Variants in MCTP1 observed in about 807,000 individuals in gnomAD.
The protein encoded by MCTP1 is multiple C2 and transmembrane domain containing 1.
Under a neutral mutation model 120.6 loss-of-function variants are expected in MCTP1, and 69 were observed. The observed-to-expected ratio is 0.57, with a 90% CI of 0.47 to 0.70. The LOEUF (loss-of-function observed/expected upper bound fraction) is 0.70. Among genes scored for constraint, MCTP1 ranks in the 30% least tolerant of loss-of-function variants. The pLI is 0.00. For synonymous variants in MCTP1, 529 were observed against 493.1 expected (o/e 1.07, Z -0.96); for missense variants, 1,203 against 1,248.8 (o/e 0.96, Z 0.55).
At chr5:94,800,023 A>G (rs1486235274) in intron 17 of MCTP1, among the ~76,000 whole-genome samples, 7 of 152,138 alleles carry the variant, frequency 4.6e-5, no homozygotes, top group Non-Finnish European at 8.8e-5. Flanking sequence ...TAACAACTAG[A>G]TTCCACTCCT....
chr5:95,251,808 A>C (rs1757409949), intron 1 of MCTP1, among the ~76,000 whole-genome samples: 1 of 152,128 alleles, frequency 6.6e-6, no homozygotes, highest in South Asian at 2.1e-4. Context: ...AAACAACAGT[A>C]ATAATAGATA....
At chr5:95,087,956 C>G (rs185863168) in intron 1 of MCTP1, among the ~76,000 whole-genome samples, 2 of 152,142 alleles carry the variant, frequency 1.3e-5, no homozygotes, top group Admixed American at 6.5e-5. Context: ...AACTGACAGC[C>G]GGGTTAGCGA....
At chr5:95,007,178 G>A (rs947597502) in intron 2 of MCTP1, among the ~76,000 whole-genome samples, 54 of 152,148 alleles carry the variant, frequency 3.5e-4, no homozygotes, top group African/African-American at 1.3e-3. Context: ...TCACTATCAT[G>A]AGAACAGCAT....
intron 1 of MCTP1, among the ~76,000 whole-genome samples, chr5:95,074,841 A>G (rs1753162519): frequency 6.6e-6 from 1 of 152,252 alleles, no homozygotes; most frequent in African/African-American, 2.4e-5. Context: ...TAACATTTTA[A>G]TAAGCAGGAA....
At chr5:94,894,882 T>TG (rs1803560501) in intron 10 of MCTP1, 47 bp from the exon 11 acceptor site, 2 of 1,234,320 alleles carry the variant, frequency 1.6e-6, no homozygotes, top group South Asian at 3.1e-5. Context: ...TTTTTTTTTT[T>TG]GCCATATCAA....
intron 17 of MCTP1, among the ~76,000 whole-genome samples, chr5:94,810,467 G>T (rs1414949058): frequency 6.6e-6 from 1 of 152,092 alleles, no homozygotes; most frequent in Non-Finnish European, 1.5e-5. Flanking sequence ...AGTTGCTCAT[G>T]GGGGGAAACT....
chr5:95,056,783 T>C (rs1458970057), intron 1 of MCTP1, among the ~76,000 whole-genome samples: 1 of 152,178 alleles, frequency 6.6e-6, no homozygotes, highest in Non-Finnish European at 1.5e-5. Flanking sequence ...GTCAGTTCTC[T>C]GGGGGAAGTA....
At chr5:95,175,806 G>A (rs150710517) in intron 1 of MCTP1, among the ~76,000 whole-genome samples, 2 of 152,238 alleles carry the variant, frequency 1.3e-5, no homozygotes, top group East Asian at 3.9e-4. Flanking sequence ...GATGTTGCTG[G>A]CCTCCAGCAC....
intron 18 of MCTP1, among the ~76,000 whole-genome samples, chr5:94,784,090 G>T (rs2152956453): frequency 6.6e-6 from 1 of 152,116 alleles, no homozygotes; most frequent in Non-Finnish European, 1.5e-5. Context: ...AAATATTAAA[G>T]AAAACTGACA....
At position 95,041,512 on chromosome 5, in the gene MCTP1, A is replaced by G. The variant is rs552811707; in HGVS notation, c.721-24028T>C. Among the ~76,000 whole-genome samples, 177 of 152,246 alleles carry G rather than the reference A, an allele frequency of 1.2e-3. 1 individual carries two copies. The highest frequency in any genetic ancestry group is 1.9e-3 in the Non-Finnish European group (128 of 67,990). On this transcript the variant is annotated intron_variant, in intron 1 of 22. Transcript: ENST00000515393. ...AAAGTTTTTAAACACACATCGATCT[A>G]GAACCTTTCTCATGAGAAAGATACA...
intron 10 of MCTP1, among the ~76,000 whole-genome samples, chr5:94,904,904 C>T (rs1459273965): frequency 6.6e-6 from 1 of 152,152 alleles, no homozygotes; most frequent in Non-Finnish European, 1.5e-5. Context: ...AAAATCCCTG[C>T]CCTCGTGGAG....
chr5:94,785,972 G>C (rs1334117963), intron 18 of MCTP1, among the ~76,000 whole-genome samples: 1 of 152,008 alleles, frequency 6.6e-6, no homozygotes, highest in Non-Finnish European at 1.5e-5. Flanking sequence ...GGAAATATTG[G>C]AATATATTTC....
At chr5:95,242,701 T>C (rs1254949470) in intron 1 of MCTP1, among the ~76,000 whole-genome samples, 1 of 152,142 alleles carries the variant, frequency 6.6e-6, no homozygotes, top group East Asian at 1.9e-4. Context: ...GAAAATTAAA[T>C]CTAGGTGACA....
In MCTP1 at chr5:95,176,998, G is replaced by A. The variant is rs528693822; in HGVS notation, c.720+106858C>T. Among the ~76,000 whole-genome samples the A allele has an allele frequency of 2.5e-3, 385 of 151,726 alleles. 2 individuals are homozygous for A. The highest frequency in any genetic ancestry group is 6.8e-3 in the Middle Eastern group (2 of 294). ...TCCTGCCTCAGCCTCCCGAGTAGCT[G>A]GGACTACAGGCGCCCGCCACCATGC... On this transcript the variant is annotated intron_variant, in intron 1 of 22. Transcript: ENST00000515393.
At chr5:95,035,061 C>A (rs1199589044) in intron 1 of MCTP1, among the ~76,000 whole-genome samples, 1 of 151,770 alleles carries the variant, frequency 6.6e-6, no homozygotes, top group African/African-American at 2.4e-5. Flanking sequence ...ATTAAAAGGT[C>A]AAAAAATAAC....
intron 18 of MCTP1, among the ~76,000 whole-genome samples, chr5:94,784,213 C>T (rs546278198): frequency 4.6e-5 from 7 of 152,102 alleles, no homozygotes; most frequent in South Asian, 2.1e-4. Context: ...CCTAGAGATA[C>T]GGAAGAATTT....
rs138035428 is a variant in MCTP1 at position 95,278,290 on chromosome 5, C to T, written c.720+5566G>A. ...ATGATGTAGAAAAAGGCTGTATCTTCAATGGTGCCGACAAATCAAAATTTA... is the reference window on the plus strand; with the variant it reads ...ATGATGTAGAAAAAGGCTGTATCTTTAATGGTGCCGACAAATCAAAATTTA... On this transcript the variant is annotated intron_variant, in intron 1 of 22. Coordinates refer to ENST00000515393, the MANE Select transcript of MCTP1 (RefSeq NM_024717.7). Among the ~76,000 whole-genome samples the T allele has an allele frequency of 5.1e-4, 77 of 152,236 alleles. 1 individual carries two copies. In the Middle Eastern group the frequency reaches 0.01, roughly 20 times the overall value.
At chr5:95,278,129 A>G (rs1760001756) in intron 1 of MCTP1, among the ~76,000 whole-genome samples, 1 of 151,986 alleles carries the variant, frequency 6.6e-6, no homozygotes, top group Non-Finnish European at 1.5e-5. Context: ...ACTGCTACAT[A>G]TTAGAGGGGA....
Position 94,829,225 on chromosome 5 carries a change from T to A in MCTP1, c.2437-30093A>T, listed in dbSNP as rs974238771. ...GGCTTCCCTTGACTAGGGGAGGGAG[T>A]TCCCCAACCCCTTGTGCTTCCTGGG... On this transcript the variant is annotated intron_variant, in intron 17 of 22. Coordinates refer to ENST00000515393, the MANE Select transcript of MCTP1 (RefSeq NM_024717.7). 3.3e-5 allele frequency among the ~76,000 whole-genome samples: 5 copies of A among 151,726 alleles called. 1 individual carries two copies. The highest frequency in any genetic ancestry group is 2.1e-4 in the South Asian group (1 of 4,796).
Sources: gnomAD v4.1 joint callset for allele counts (sites outside exome capture counted in the v4.1 genomes callset) on GRCh38, gnomAD v4.1.1 for gene constraint, MANE v1.5 for transcripts, NCBI Gene and HGNC (gene_info 2026-07-23, HGNC 2026-07-21) for gene names.